Variants in SPATA18 observed in about 807,000 individuals in gnomAD.
SPATA18 encodes mitochondria-eating protein.
A neutral mutation model predicts 68.1 loss-of-function variants in SPATA18; 54 were observed. The observed-to-expected ratio is 0.79, with a 90% CI of 0.64 to 0.99. The LOEUF (loss-of-function observed/expected upper bound fraction) is 0.99. Ranked by LOEUF, SPATA18 falls within the 50% of genes least tolerant of loss-of-function variation. The pLI is 0.00. For missense variants in SPATA18, 724 were observed against 681.1 expected (o/e 1.06, Z -0.70); for synonymous variants, 242 against 244.8 (o/e 0.99, Z 0.11).
Position 52,082,894 on chromosome 4 carries a change from A to G in SPATA18, c.1479+384A>G, listed in dbSNP as rs1178506358. 11 of 985,398 alleles carry G rather than the reference A, an allele frequency of 1.1e-5. 1 individual carries two copies. Among genetic ancestry groups the G allele is most frequent in the Middle Eastern group, 5.2e-4 (1 of 1,914 alleles). 61.0% of individuals were successfully genotyped at this position (985,398 alleles called of 1,614,324 possible). A position where few individuals can be genotyped will look rare whatever the true frequency, so the allele number is the denominator to read the frequency against. ...GAAACGATTTGCCAAATTTTTACTGACGATTTTCTGTTTTGGGAAACTGCC... is the reference window on the plus strand; with the variant it reads ...GAAACGATTTGCCAAATTTTTACTGGCGATTTTCTGTTTTGGGAAACTGCC... On this transcript the variant is annotated intron_variant, in intron 10 of 12. Transcript: ENST00000295213.
chr4:52,074,806 G>T (rs556931422), intron 6 of SPATA18, among the ~76,000 whole-genome samples: 1 of 152,180 alleles, frequency 6.6e-6, no homozygotes, highest in South Asian at 2.1e-4. Flanking sequence ...AAGATTACAC[G>T]AAGGTGGAGA....
chr4:52,074,681 A>G (rs901790200), intron 6 of SPATA18, among the ~76,000 whole-genome samples: 7 of 152,228 alleles, frequency 4.6e-5, no homozygotes, highest in African/African-American at 1.7e-4. Flanking sequence ...AGAGCCTCAA[A>G]TGGGTTAATG....
At position 52,069,929 on chromosome 4, in the gene SPATA18, T is replaced by A; in HGVS notation, c.518+13T>A. 6.4e-7 allele frequency: 1 copy of A among 1,572,856 alleles called. No individual in the cohort carries two copies. The highest frequency in any genetic ancestry group is 8.7e-7 in the Non-Finnish European group (1 of 1,154,504). ...AGCTGAAAAAGCAGTAAGAAAAAAA[T>A]TACAGGATTATTGCAGCCTAAATCA... On this transcript the variant is annotated intron_variant, in intron 5 of 12. Transcript: ENST00000295213.
rs1270186841 is a variant in SPATA18 at position 52,051,556 on chromosome 4, G to A, written c.-149G>A. The A allele has an allele frequency of 3.9e-6, 3 of 767,156 alleles. No homozygotes were observed. Among genetic ancestry groups the A allele is most frequent in the South Asian group, 3.2e-5 (2 of 62,516 alleles). The allele number at this position is 767,156 out of a possible 1,614,324, so 47.5% of individuals were successfully genotyped here. The stretch of plus-strand genomic sequence containing the variant: ...TCCCGAACCCGGCCAGGTCCGACCC[G>A]AGGGGGAGGATGGAAACACCTGCCG... On this transcript the variant is annotated 5_prime_UTR_variant, in exon 1 of 13. Coordinates refer to ENST00000295213, the MANE Select transcript of SPATA18 (RefSeq NM_145263.4).
At chr4:52,054,108 C>T in intron 1 of SPATA18, among the ~76,000 whole-genome samples, 1 of 152,178 alleles carries the variant, frequency 6.6e-6, no homozygotes, top group East Asian at 1.9e-4. Flanking sequence ...CTGCATTGTC[C>T]AATAAGGTGA....
intron 6 of SPATA18, among the ~76,000 whole-genome samples, chr4:52,072,892 T>A (rs1175997803): frequency 2.0e-5 from 3 of 152,214 alleles, no homozygotes; most frequent in Non-Finnish European, 2.9e-5. Context: ...TTTGATGGCA[T>A]GTGTAGGTGA....
Position 52,069,289 on chromosome 4 carries a change from C to T in SPATA18, c.423-532C>T, listed in dbSNP as rs375898312. ...AGTGAAAACTCAGAGAATTTGTGCT[C>T]AATAAGTAGTAGAAGTCAGAGGCAG... On this transcript the variant is annotated intron_variant, in intron 4 of 12. Coordinates refer to ENST00000295213, the MANE Select transcript of SPATA18 (RefSeq NM_145263.4). Among the ~76,000 whole-genome samples, 557 of 152,242 alleles carry T rather than the reference C, an allele frequency of 3.7e-3. 1 individual carries two copies. Among genetic ancestry groups the T allele is most frequent in the Middle Eastern group, 0.017 (5 of 294 alleles).
intron 11 of SPATA18, among the ~76,000 whole-genome samples, chr4:52,093,453 T>C (rs1225019441): frequency 4.6e-5 from 7 of 152,194 alleles, no homozygotes. Context: ...GGAAAAGTCA[T>C]GCATCTGGCA....
chr4:52,057,909 G>A (rs555520860), intron 1 of SPATA18, among the ~76,000 whole-genome samples: 1 of 152,340 alleles, frequency 6.6e-6, no homozygotes, highest in South Asian at 2.1e-4. Flanking sequence ...GCTCAGAGAA[G>A]TTAAGTAACT....
chr4:52,072,074 A>G lies in SPATA18; in HGVS notation c.676A>G (p.Met226Val), dbSNP rs774089977. ...QNADQQDTEAMSDYKKQLRNL... is the reference protein window; with the variant it reads ...QNADQQDTEAVSDYKKQLRNL... ...TGCAGACCAGCAGGACACAGAAGCC[A>G]TGTCCGATTATAAGAAACAGCTCCG... Residue 226 changes from methionine to valine, a missense_variant, in exon 6 of 13, where the codon ATG (methionine) becomes GTG (valine). Met to Val is a conservative substitution (Grantham distance 21). Transcript: ENST00000295213. The G allele has an allele frequency of 1.2e-6, 2 of 1,613,964 alleles. No homozygotes were observed. The highest frequency in any genetic ancestry group is 2.2e-5 in the South Asian group (2 of 91,068).
intron 3 of SPATA18, among the ~76,000 whole-genome samples, chr4:52,061,931 T>C (rs1738891354): frequency 6.6e-6 from 1 of 152,202 alleles, no homozygotes; most frequent in African/African-American, 2.4e-5. Flanking sequence ...TTATATTCAG[T>C]GAAATCCATA....
Position 52,051,797 on chromosome 4 carries a change from T to C in SPATA18, c.87+6T>C. On this transcript the variant is annotated splice_donor_region_variant and intron_variant, in intron 1 of 12. Transcript: ENST00000295213. ...TCTGGCTGAAGGAGTACAACGTGAG[T>C]CTGGGTGAAAAACCCCCGGGGTTCG... The C allele has an allele frequency of 2.5e-6, 4 of 1,613,320 alleles. No homozygotes were observed. Among genetic ancestry groups the C allele is most frequent in the Non-Finnish European group, 3.4e-6 (4 of 1,179,808 alleles).
Position 52,060,816 on chromosome 4 carries a change from A to G in SPATA18, c.228A>G (p.Ser76=). ...GRNDGVETIK[S]RLLPWLEASF... is the part of the protein sequence containing the mutation. ...ATGATGGTGTGGAAACAATCAAGTC[A>G]CGCCTTTTGCCTTGGCTGGAGGCTT... Residue 76 remains serine, a synonymous_variant, in exon 3 of 13, where the codon TCA becomes TCG. Transcript: ENST00000295213. The G allele has an allele frequency of 6.2e-7, 1 of 1,614,068 alleles. No individual in the cohort carries two copies. Among genetic ancestry groups the G allele is most frequent in the East Asian group, 2.2e-5 (1 of 44,876 alleles).
At position 52,079,753 on chromosome 4, in the gene SPATA18, C is replaced by T. The variant is rs1322284259; in HGVS notation, c.1189C>T (p.Arg397Ter). The T allele has an allele frequency of 7.4e-6, 12 of 1,613,558 alleles. No individual in the cohort carries two copies. The highest frequency in any genetic ancestry group is 4.4e-5 in the South Asian group (4 of 90,988). ...ATCTTTTGTTTTTCAGGATGTGATC[C>T]GAGCCATGAATGTCAATCCCAAGAT... ...DSQSSVNDVI[R>*]AMNVNPKISF... Residue 397 changes from arginine to a stop codon, truncating the protein, a stop_gained, in exon 9 of 13, where the codon CGA becomes TGA. Coordinates refer to ENST00000295213, the MANE Select transcript of SPATA18 (RefSeq NM_145263.4). LOFTEE classifies it high-confidence loss of function.
At chr4:52,069,743 C>T (rs1490327290) in intron 4 of SPATA18, 78 bp from the exon 5 acceptor site, 2 of 1,033,830 alleles carry the variant, frequency 1.9e-6, no homozygotes, top group African/African-American at 1.6e-5. Flanking sequence ...CCAGAAGTTC[C>T]TAAGTGAGCC....
At chr4:52,062,196 T>C in intron 3 of SPATA18, 24 bp from the exon 4 acceptor site, 2 of 1,336,036 alleles carry the variant, frequency 1.5e-6, no homozygotes, top group Admixed American at 2.3e-5. Context: ...GTTTTTTTTT[T>C]TTTTTTTTGG....
chr4:52,068,065 T>A (rs1739461762), intron 4 of SPATA18, among the ~76,000 whole-genome samples: 1 of 152,244 alleles, frequency 6.6e-6, no homozygotes, highest in Non-Finnish European at 1.5e-5. Context: ...TTTGCTTATA[T>A]GTGCATCCGC....
chr4:52,058,239 G>A (rs141540919), intron 1 of SPATA18, among the ~76,000 whole-genome samples: 1 of 152,164 alleles, frequency 6.6e-6, no homozygotes, highest in African/African-American at 2.4e-5. Flanking sequence ...TAGGATACTA[G>A]TGGCAATAGA....
intron 11 of SPATA18, among the ~76,000 whole-genome samples, chr4:52,092,160 G>T (rs982194255): frequency 1.1e-4 from 17 of 152,096 alleles, no homozygotes; most frequent in Non-Finnish European, 2.2e-4. Flanking sequence ...GATGGGACCC[G>T]CTGAGCCAGA....
Sources: allele counts gnomAD v4.1 joint callset (sites outside exome capture counted in the v4.1 genomes callset), GRCh38; gene constraint gnomAD v4.1.1; transcripts MANE v1.5; gene names NCBI Gene and HGNC (gene_info 2026-07-23, HGNC 2026-07-21).